The following CRACR2A variants were observed in gnomAD, a reference collection of about 807,000 sequenced individuals.
CRACR2A encodes EF-hand calcium-binding domain-containing protein 4B.
Under a neutral mutation model 90.5 loss-of-function variants are expected in CRACR2A, and 79 were observed. That is an observed-to-expected ratio of 0.87 (90% CI 0.73 to 1.05). The LOEUF (loss-of-function observed/expected upper bound fraction) is 1.05, where lower values mean the gene tolerates loss of function less well. Ranked by LOEUF, CRACR2A falls within the 50% of genes least tolerant of loss-of-function variation. The probability of loss-of-function intolerance (pLI) is 0.00; values close to 1 mark genes in which losing one functional copy is unlikely to be tolerated. For missense variants in CRACR2A, 823 were observed against 897.2 expected (o/e 0.92, Z 1.06); for synonymous variants, 338 against 356.7 (o/e 0.95, Z 0.59).
intron 6 of CRACR2A, among the ~76,000 whole-genome samples, chr12:3,674,464 A>G (rs1945306053): frequency 6.6e-6 from 1 of 152,228 alleles, no homozygotes; most frequent in Non-Finnish European, 1.5e-5. Flanking sequence ...TTTCTGGGGA[A>G]ACTAAAAAAT....
intron 1 of CRACR2A, among the ~76,000 whole-genome samples, chr12:3,734,665 T>TAGAATATA (rs1046911154): frequency 1.4e-5 from 2 of 144,808 alleles, no homozygotes; most frequent in African/African-American, 5.5e-5. Flanking sequence ...ATATACATAA[T>TAGAATATA]AGAATATAAT....
intron 7 of CRACR2A, 59 bp downstream of exon 7, chr12:3,673,387 C>T (rs1241381516): frequency 1.3e-6 from 2 of 1,557,808 alleles, no homozygotes; most frequent in African/African-American, 1.4e-5. Context: ...AGAAAGTGCA[C>T]CGTGTGTCTC....
At chr12:3,695,031 A>G (rs113282757) in intron 4 of CRACR2A, among the ~76,000 whole-genome samples, 5 of 152,174 alleles carry the variant, frequency 3.3e-5, no homozygotes, top group African/African-American at 1.2e-4. Context: ...AAAACTTTAT[A>G]CCTAGTTTCA....
intron 2 of CRACR2A, among the ~76,000 whole-genome samples, chr12:3,720,421 AAGAAAGAAAG>A (rs1206814950): frequency 2.6e-5 from 2 of 76,304 alleles, no homozygotes; most frequent in Admixed American, 1.5e-4. Context: ...GAGAGGAAGA[AAGAAAGAAAG>A]AAAGAAAGAA....
chr12:3,726,195 A>T (rs1048319779), intron 2 of CRACR2A: 1 of 149,910 alleles, frequency 6.7e-6, no homozygotes, highest in Admixed American at 6.8e-5. Context: ...CTATATGTAT[A>T]TTTTATATAT....
At chr12:3,618,071 G>T (rs556043347) in intron 18 of CRACR2A, among the ~76,000 whole-genome samples, 86 of 151,996 alleles carry the variant, frequency 5.7e-4, no homozygotes, top group South Asian at 5.0e-3. Context: ...TGGAAGACAT[G>T]ATTTGCCTTC....
intron 17 of CRACR2A, among the ~76,000 whole-genome samples, chr12:3,621,916 A>G (rs1025936685): frequency 2.0e-5 from 3 of 152,180 alleles, no homozygotes; most frequent in African/African-American, 7.2e-5. Context: ...CCATAAGACC[A>G]GGGAGTGTGC....
At chr12:3,674,902 C>T (rs974461893) in intron 6 of CRACR2A, among the ~76,000 whole-genome samples, 1 of 152,164 alleles carries the variant, frequency 6.6e-6, no homozygotes, top group Non-Finnish European at 1.5e-5. Flanking sequence ...AAGTCCTTCA[C>T]CTCCTTCCAT....
At chr12:3,691,935 T>G (rs757356332) in intron 4 of CRACR2A, among the ~76,000 whole-genome samples, 1 of 152,230 alleles carries the variant, frequency 6.6e-6, no homozygotes, top group Admixed American at 6.5e-5. Context: ...TTTGGTCTAT[T>G]CTGCTATTAA....
chr12:3,678,867 G>A lies in CRACR2A; in HGVS notation c.524+48C>T, dbSNP rs150563129. On this transcript the variant is annotated intron_variant, in intron 6 of 19. Coordinates refer to ENST00000440314, the MANE Select transcript of CRACR2A (RefSeq NM_001144958.2). The stretch of plus-strand genomic sequence containing the variant: ...AATTGTTGAATGGACACAGGAAGAG[G>A]TTCCTACCAGGCTGGTCTCCGTTCT... 5 of 1,545,416 alleles carry A rather than the reference G, an allele frequency of 3.2e-6. No individual in the cohort carries two copies. In the African/African-American group the frequency reaches 5.5e-5, roughly 17 times the overall value.
intron 7 of CRACR2A, among the ~76,000 whole-genome samples, chr12:3,663,226 C>G (rs1945071622): frequency 6.6e-6 from 1 of 151,876 alleles, no homozygotes; most frequent in Non-Finnish European, 1.5e-5. Context: ...GTACCGAACT[C>G]AGAAGCTCAT....
At chr12:3,732,155 T>C (rs1022556126) in intron 2 of CRACR2A, 1 of 152,154 alleles carries the variant, frequency 6.6e-6, no homozygotes, top group Admixed American at 6.5e-5. Context: ...CTCCTATGAA[T>C]GAAGATCCCA....
In CRACR2A at chr12:3,727,871, C is replaced by T. The variant is rs1946296645; in HGVS notation, c.-118+5071G>A. The T allele has an allele frequency of 2.0e-5, 3 of 151,916 alleles. No homozygotes were observed. In the South Asian group the frequency reaches 6.2e-4, roughly 32 times the overall value. The allele number at this position is 151,916 out of a possible 1,614,324, so 9.4% of individuals were successfully genotyped here. ...TGTAACAGACTTGCAGGTGTACCTC[C>T]TGAATCTAAAAAAAAAATAAAATAA... On this transcript the variant is annotated intron_variant, in intron 2 of 19. Transcript: ENST00000440314.
At chr12:3,646,975 AG>A (rs1413467498) in intron 11 of CRACR2A, among the ~76,000 whole-genome samples, 9 of 152,316 alleles carry the variant, frequency 5.9e-5, no homozygotes, top group African/African-American at 2.2e-4. Flanking sequence ...GGGTTGGTTA[AG>A]TCAACTGCCC....
chr12:3,702,759 G>T lies in CRACR2A; in HGVS notation c.-36-5724C>A, dbSNP rs192260555. Among the ~76,000 whole-genome samples the T allele has an allele frequency of 2.0e-5, 3 of 152,196 alleles. No individual in the cohort carries two copies. In the East Asian group the frequency reaches 5.8e-4, roughly 29 times the overall value. ...CTCAATTCCAGTCAAAATCCCACCA[G>T]GCTTATTTGTAGAAACTGATAACCT... On this transcript the variant is annotated intron_variant, in intron 3 of 19. Transcript: ENST00000440314.
intron 17 of CRACR2A, among the ~76,000 whole-genome samples, chr12:3,621,672 A>C (rs1396822876): frequency 1.4e-5 from 2 of 145,710 alleles, no homozygotes; most frequent in East Asian, 2.0e-4. Flanking sequence ...AAAAAAAAAA[A>C]AAAAAAAAAC....
chr12:3,675,356 C>A (rs1238900944), intron 6 of CRACR2A, among the ~76,000 whole-genome samples: 2 of 152,038 alleles, frequency 1.3e-5, no homozygotes, highest in African/African-American at 2.4e-5. Flanking sequence ...TTGCTCCCTG[C>A]TGTGGTGTGA....
chr12:3,744,753 A>C (rs1052623937), intron 1 of CRACR2A, among the ~76,000 whole-genome samples: 9 of 152,208 alleles, frequency 5.9e-5, no homozygotes, highest in African/African-American at 1.9e-4. Flanking sequence ...AGTCGACAGG[A>C]CATCTGATGG....
At chr12:3,735,731 T>G (rs543842934) in intron 1 of CRACR2A, among the ~76,000 whole-genome samples, 59 of 152,238 alleles carry the variant, frequency 3.9e-4, no homozygotes, top group Non-Finnish European at 6.9e-4. Flanking sequence ...ACACTGGTGG[T>G]TCTCACAGTG....
Sources: allele counts gnomAD v4.1 joint callset (sites outside exome capture counted in the v4.1 genomes callset), GRCh38; gene constraint gnomAD v4.1.1; transcripts MANE v1.5; gene names NCBI Gene and HGNC (gene_info 2026-07-23, HGNC 2026-07-21).